Variants in DISP1 observed in about 807,000 individuals in gnomAD.
DISP1 encodes the protein dispatched RND transporter family member 1.
In DISP1, 30 loss-of-function variants were observed where a neutral mutation model predicts 37.3. The ratio of observed to expected loss-of-function variants is 0.80; its 90% CI spans 0.60 to 1.09. The LOEUF (loss-of-function observed/expected upper bound fraction) is 1.09, where lower values mean the gene tolerates loss of function less well. Ranked by LOEUF, DISP1 falls within the 50% of genes least tolerant of loss-of-function variation. The probability of loss-of-function intolerance (pLI) is 0.00; values close to 1 mark genes in which losing one functional copy is unlikely to be tolerated. For missense variants in DISP1, 1,598 were observed against 1,879.5 expected, an observed-to-expected ratio of 0.85 and a Z score of 2.77; for synonymous variants, 634 against 690.2, an observed-to-expected ratio of 0.92 and a Z score of 1.28.
At chr1:222,975,853 A>G (rs2102663821) in intron 3 of DISP1, among the ~76,000 whole-genome samples, 1 of 152,348 alleles carries the variant, frequency 6.6e-6, no homozygotes, top group Non-Finnish European at 1.5e-5. Context: ...ATATGAGCTT[A>G]GCCCTCAAAT....
At chr1:222,877,921 T>C (rs897646704) in intron 1 of DISP1, among the ~76,000 whole-genome samples, 6 of 152,204 alleles carry the variant, frequency 3.9e-5, no homozygotes, top group African/African-American at 9.6e-5. Context: ...GCACAGCCAA[T>C]AGAAGCTGAA....
chr1:222,930,434 A>G (rs1170260022), intron 2 of DISP1, among the ~76,000 whole-genome samples: 1 of 152,130 alleles, frequency 6.6e-6, no homozygotes, highest in Non-Finnish European at 1.5e-5. Context: ...GAGCAACTAA[A>G]AAAAATTAGA....
In DISP1 at chr1:222,854,320, C is replaced by T. The variant is rs530118981; in HGVS notation, c.-159+39242C>T. Among the ~76,000 whole-genome samples, 3 of 152,260 alleles carry T rather than the reference C, an allele frequency of 2.0e-5. No individual in the cohort carries two copies. The East Asian group carries it at 5.8e-4, about 29-fold the overall frequency. ...CAGTTCTGCATGGCTGGGGAAGCCT[C>T]AGGAAACTTACAATCATGGCGGAAG... On this transcript the variant is annotated intron_variant, in intron 1 of 8. Coordinates refer to ENST00000675850, the MANE Select transcript of DISP1 (RefSeq NM_001377229.1).
chr1:222,957,720 AT>A (rs1188523966), intron 3 of DISP1, among the ~76,000 whole-genome samples: 2 of 152,220 alleles, frequency 1.3e-5, no homozygotes, highest in African/African-American at 4.8e-5. Context: ...GAAATAATTA[AT>A]AAGAGAAAAT....
intron 1 of DISP1, among the ~76,000 whole-genome samples, chr1:222,886,942 G>A (rs955250217): frequency 3.3e-5 from 5 of 152,198 alleles, no homozygotes; most frequent in African/African-American, 1.2e-4. Context: ...TTGATGTCAT[G>A]CATCTCTCAG....
chr1:222,949,294 T>C (rs554756608), intron 3 of DISP1, among the ~76,000 whole-genome samples: 8,757 of 151,964 alleles, frequency 0.058, 300 homozygotes, highest in Non-Finnish European at 0.075. Flanking sequence ...CTTGGGAGGC[T>C]GAGGCAGGAG....
intron 3 of DISP1, among the ~76,000 whole-genome samples, chr1:222,949,349 G>A (rs922159614): frequency 4.0e-5 from 6 of 151,302 alleles, no homozygotes; most frequent in East Asian, 1.9e-4. Flanking sequence ...AGCCAGGATC[G>A]TACCACTGCA....
At chr1:222,839,086 T>C (rs910603582) in intron 1 of DISP1, among the ~76,000 whole-genome samples, 1 of 152,168 alleles carries the variant, frequency 6.6e-6, no homozygotes, top group Admixed American at 6.5e-5. Context: ...TTGCTGACTC[T>C]TAATATCTAT....
chr1:223,002,249 T>C, intron 8 of DISP1, 136 bp from the exon 9 acceptor site: 1 of 862,008 alleles, frequency 1.2e-6, no homozygotes, highest in Non-Finnish European at 1.9e-6. Context: ...AACTGATTCC[T>C]AGTTTAAGTG....
intron 3 of DISP1, among the ~76,000 whole-genome samples, chr1:222,952,720 C>A: frequency 6.6e-6 from 1 of 152,002 alleles, no homozygotes; most frequent in East Asian, 1.9e-4. Flanking sequence ...TGTGGTGGCA[C>A]GCACCTGTAG....
At chr1:222,942,685 C>A in intron 2 of DISP1, 122 bp from the exon 3 acceptor site, 1 of 1,121,568 alleles carries the variant, frequency 8.9e-7, no homozygotes, top group Non-Finnish European at 1.3e-6. Context: ...ATTTCTACCA[C>A]TGTCTCACAA....
chr1:223,005,880 G>A lies in DISP1; in HGVS notation c.4483G>A (p.Asp1495Asn). Residue 1495 changes from aspartate to asparagine, a missense_variant, in exon 9 of 9, where the codon GAC (aspartate) becomes AAC (asparagine). Asp to Asn is a conservative substitution (Grantham distance 23). Transcript: ENST00000675850. ...RIVRVKCNSV[D>N]CQMPNMEANV... ...TGTGAGAGTGAAGTGCAATTCTGTGGACTGTCAAATGCCAAACATGGAAGC... is the reference window on the plus strand; with the variant it reads ...TGTGAGAGTGAAGTGCAATTCTGTGAACTGTCAAATGCCAAACATGGAAGC... 6.2e-7 allele frequency: 1 copy of A among 1,614,188 alleles called. No individual in the cohort carries two copies. The highest frequency in any genetic ancestry group is 1.1e-5 in the South Asian group (1 of 91,080).
chr1:222,929,382 T>A (rs1337226375), intron 2 of DISP1, among the ~76,000 whole-genome samples: 1 of 152,082 alleles, frequency 6.6e-6, no homozygotes, highest in East Asian at 1.9e-4. Flanking sequence ...CATTAAAAAA[T>A]TAAACAGAGA....
At chr1:222,852,549 A>G (rs1668327173) in intron 1 of DISP1, among the ~76,000 whole-genome samples, 1 of 152,170 alleles carries the variant, frequency 6.6e-6, no homozygotes, top group African/African-American at 2.4e-5. Context: ...CACATGAATC[A>G]TCATGACAGC....
At chr1:222,860,355 C>A (rs1668809908) in intron 1 of DISP1, among the ~76,000 whole-genome samples, 1 of 152,090 alleles carries the variant, frequency 6.6e-6, no homozygotes, top group Non-Finnish European at 1.5e-5. Flanking sequence ...TGCCTGGCCT[C>A]ATTTATTCTT....
At chr1:222,918,294 C>T (rs947454821) in intron 1 of DISP1, among the ~76,000 whole-genome samples, 1 of 152,154 alleles carries the variant, frequency 6.6e-6, no homozygotes, top group Non-Finnish European at 1.5e-5. Flanking sequence ...GAAACAAACC[C>T]ACTAAGATTC....
At chr1:223,001,152 A>G (rs367741122) in intron 8 of DISP1, among the ~76,000 whole-genome samples, 6 of 152,312 alleles carry the variant, frequency 3.9e-5, no homozygotes, top group African/African-American at 1.4e-4. Flanking sequence ...TCAATTTTTT[A>G]TAACAATAGC....
Position 223,004,461 on chromosome 1 carries a change from G to A in DISP1, c.3064G>A (p.Val1022Ile), listed in dbSNP as rs1572752039. The change falls in exon 9 of 9, where the codon GTC becomes ATC. Residue 1022 changes from valine to isoleucine, a missense_variant. Coordinates refer to ENST00000675850, the MANE Select transcript of DISP1 (RefSeq NM_001377229.1). The surrounding 1 kb of genome is among the most constrained non-coding windows in gnomAD (Gnocchi z 4.9). ...AIISIAGTIF[V>I]TVGSLVLLGW... is the part of the protein sequence containing the mutation. ...CATTTCAATTGCTGGAACGATATTT[G>A]TCACTGTTGGTTCTCTTGTCCTGCT... 6.2e-7 allele frequency: 1 copy of A among 1,614,198 alleles called. No individual in the cohort carries two copies. The highest frequency in any genetic ancestry group is 8.5e-7 in the Non-Finnish European group (1 of 1,180,040).
chr1:222,835,535 C>T (rs1483757427), intron 1 of DISP1, among the ~76,000 whole-genome samples: 2 of 151,954 alleles, frequency 1.3e-5, no homozygotes, highest in African/African-American at 4.8e-5. Flanking sequence ...TGCAAAATAC[C>T]AGGTGCATTT....
Sources: gnomAD v4.1 joint callset for allele counts (sites outside exome capture counted in the v4.1 genomes callset) on GRCh38, gnomAD v4.1.1 for gene constraint, Gnocchi (gnomAD v3.1) non-coding constraint, MANE v1.5 for transcripts, NCBI Gene and HGNC (gene_info 2026-07-23, HGNC 2026-07-21) for gene names.